TSNARE1: variants seen among roughly 807,000 people sequenced by gnomAD.
TSNARE1 encodes the protein t-SNARE domain-containing protein 1.
A neutral mutation model predicts 62.0 loss-of-function variants in TSNARE1; 49 were observed. The ratio of observed to expected loss-of-function variants is 0.79; its 90% CI spans 0.63 to 1.00. TSNARE1 has a LOEUF of 1.00. TSNARE1 is among the 50% of genes least tolerant of loss of function. TSNARE1 has a pLI of 0.00. For synonymous variants in TSNARE1, 328 were observed against 294.4 expected, an observed-to-expected ratio of 1.11 and a Z score of -1.17; for missense variants, 755 against 700.1, an observed-to-expected ratio of 1.08 and a Z score of -0.88.
chr8:142,299,624 TG>T (rs1437571040), intron 10 of TSNARE1, among the ~76,000 whole-genome samples: 2 of 152,192 alleles, frequency 1.3e-5, no homozygotes, highest in African/African-American at 4.8e-5. Flanking sequence ...TACACATGCA[TG>T]CACACACACG....
rs570237160 is a variant in TSNARE1, at chr8:142,253,435, A to T, written c.1446+21346T>A. ...CAGTCACCCCCGAGTCACCACCCCCAGTGGCCATTCTGGGCAGGGACCCAT... is the reference window on the plus strand; with the variant it reads ...CAGTCACCCCCGAGTCACCACCCCCTGTGGCCATTCTGGGCAGGGACCCAT... On this transcript the variant is annotated intron_variant, in intron 12 of 13. Coordinates refer to ENST00000524325, the MANE Select transcript of TSNARE1 (RefSeq NM_145003.5). Among the ~76,000 whole-genome samples, 547 of 152,166 alleles carry T rather than the reference A, an allele frequency of 3.6e-3. 3 individuals carry two copies. The highest frequency in any genetic ancestry group is 4.8e-3 in the Non-Finnish European group (327 of 67,978).
chr8:142,256,207 GTCACCA>G (rs1818531470), intron 12 of TSNARE1, among the ~76,000 whole-genome samples: 6 of 13,624 alleles, frequency 4.4e-4, no homozygotes, highest in Admixed American at 7.5e-4. Flanking sequence ...CACCACCACT[GTCACCA>G]TCACCATCAC....
rs1356874022 is a variant in TSNARE1, at chr8:142,341,531, C to A, written c.745+2435G>T. Among the ~76,000 whole-genome samples, 5 of 152,200 alleles carry A rather than the reference C, an allele frequency of 3.3e-5. No individual in the cohort carries two copies. In the South Asian group the frequency reaches 1.0e-3, roughly 31 times the overall value. On this transcript the variant is annotated intron_variant, in intron 4 of 13. Transcript: ENST00000524325. ...CCAGCCTCCAACCCGAAGCAGAGTG[C>A]GCACCTGGGGCGCATCCAGACACAC...
At chr8:142,315,366 C>T (rs1828369396) in intron 7 of TSNARE1, among the ~76,000 whole-genome samples, 2 of 152,256 alleles carry the variant, frequency 1.3e-5, no homozygotes, top group Admixed American at 6.5e-5. Context: ...ACACCACCTC[C>T]GCGAGCAGCA....
In TSNARE1 at chr8:142,326,442, C is replaced by T. The variant is rs113022393; in HGVS notation, c.893+4459G>A. On this transcript the variant is annotated intron_variant, in intron 6 of 13. Coordinates refer to ENST00000524325, the MANE Select transcript of TSNARE1 (RefSeq NM_145003.5). ...GCCCCGGAGACCATGAGACGGATGA[C>T]GAACCAGCACCAGCGAAGGGGAGGG... 3.0e-5 allele frequency among the ~76,000 whole-genome samples: 2 copies of T among 65,742 alleles called. 1 individual carries two copies. Among genetic ancestry groups the T allele is most frequent in the Non-Finnish European group, 5.4e-5 (2 of 36,850 alleles). 43.1% of individuals were successfully genotyped at this position (65,742 alleles called of 152,430 possible).
intron 9 of TSNARE1, among the ~76,000 whole-genome samples, chr8:142,303,559 T>C (rs966382778): frequency 6.6e-6 from 1 of 152,188 alleles, no homozygotes; most frequent in African/African-American, 2.4e-5. Flanking sequence ...GGGGGGCCCA[T>C]GGTACCCACC....
intron 12 of TSNARE1, among the ~76,000 whole-genome samples, chr8:142,232,212 T>C (rs1013731075): frequency 2.0e-5 from 3 of 152,222 alleles, no homozygotes; most frequent in African/African-American, 7.2e-5. Context: ...TGGGAAGAAC[T>C]TGGTAGCCAT....
chr8:142,227,263 C>A (rs939734093), intron 13 of TSNARE1, among the ~76,000 whole-genome samples: 1 of 150,348 alleles, frequency 6.7e-6, no homozygotes, highest in African/African-American at 2.5e-5. Flanking sequence ...CAGTGACAGC[C>A]AGGACCTCCA....
chr8:142,260,812 C>T (rs1268715214), intron 12 of TSNARE1, among the ~76,000 whole-genome samples: 1 of 151,104 alleles, frequency 6.6e-6, no homozygotes, highest in African/African-American at 2.4e-5. Context: ...AGCCCTGCCC[C>T]AGAGCTAATG....
In TSNARE1 at chr8:142,330,981, G is replaced by A. The variant is rs759805231; in HGVS notation, c.824-11C>T. ...GCTCCAAGGAGGTCACTGCCCGAGA[G>A]AAGAGGGACAGGGTGAGGGCAGAAG... On this transcript the variant is annotated splice_polypyrimidine_tract_variant and intron_variant, in intron 5 of 13. Transcript: ENST00000524325. The A allele has an allele frequency of 4.3e-6, 7 of 1,613,576 alleles. No individual in the cohort carries two copies. The highest frequency in any genetic ancestry group is 2.7e-5 in the African/African-American group (2 of 74,944).
chr8:142,375,551 C>A (rs1836266100), intron 1 of TSNARE1, among the ~76,000 whole-genome samples: 1 of 152,224 alleles, frequency 6.6e-6, no homozygotes, highest in Non-Finnish European at 1.5e-5. Context: ...GCAGCAGCTT[C>A]CTGAATGCTC....
rs1001355083 is a variant in TSNARE1 at position 142,319,905 on chromosome 8, G to C, written c.894-1271C>G. On this transcript the variant is annotated intron_variant, in intron 6 of 13. Coordinates refer to ENST00000524325, the MANE Select transcript of TSNARE1 (RefSeq NM_145003.5). The surrounding 1 kb of genome is among the most constrained non-coding windows in gnomAD (Gnocchi z 4.9). ...CGCGGGGACAGGAGCTTTCTTCCCCGGGGCCTTGGTCAGGGCCGCCTCCTC... is the reference window on the plus strand; with the variant it reads ...CGCGGGGACAGGAGCTTTCTTCCCCCGGGCCTTGGTCAGGGCCGCCTCCTC... 2.6e-5 allele frequency among the ~76,000 whole-genome samples: 4 copies of C among 152,174 alleles called. No homozygotes were observed. The highest frequency in any genetic ancestry group is 7.2e-5 in the African/African-American group (3 of 41,444).
chr8:142,291,971 G>GC lies in TSNARE1; in HGVS notation c.1291-7487dup, dbSNP rs1823851223. 2.0e-5 allele frequency among the ~76,000 whole-genome samples: 3 copies of GC among 151,456 alleles called. No homozygotes were observed. The highest frequency in any genetic ancestry group is 1.3e-4 in the Admixed American group (2 of 15,230). On this transcript the variant is annotated intron_variant, in intron 10 of 13. Transcript: ENST00000524325. The surrounding 1 kb of genome is among the most constrained non-coding windows in gnomAD (Gnocchi z 4.8). ...GTCACAGCAACGCACGCCCCCCCCG[G>GC]CCCCCCACCTGTTTCAAGCAGAATG...
intron 12 of TSNARE1, among the ~76,000 whole-genome samples, chr8:142,250,709 G>T (rs1818119806): frequency 6.6e-6 from 1 of 152,206 alleles, no homozygotes; most frequent in Non-Finnish European, 1.5e-5. Flanking sequence ...ACGTGGGGAA[G>T]GCAACACCGA....
Position 142,280,751 on chromosome 8 carries a change from G to A in TSNARE1, c.1363+3662C>T, listed in dbSNP as rs545630892. On this transcript the variant is annotated intron_variant, in intron 11 of 13. Transcript: ENST00000524325. The stretch of plus-strand genomic sequence containing the variant: ...TCCCAGCCCGCGACAGGTGGCCAGG[G>A]GCAGAAATGGCTACAGCCACCTCTG... Among the ~76,000 whole-genome samples the A allele has an allele frequency of 5.3e-5, 8 of 152,304 alleles. No homozygotes were observed. The South Asian group carries it at 1.5e-3, about 28-fold the overall frequency.
At position 142,344,106 on chromosome 8, in the gene TSNARE1, A is replaced by C. The variant is rs769551363; in HGVS notation, c.605T>G (p.Leu202Arg). The C allele has an allele frequency of 6.8e-6, 11 of 1,610,914 alleles. No homozygotes were observed. The highest frequency in any genetic ancestry group is 1.1e-5 in the South Asian group (1 of 90,876). ...RAVVRRKLGD[L>R]RKAAHGPSPG... ...GCTGGGGCCATGGGCCGCCTTCCGG[A>C]GGTCGCCCAGCTTGCGCCGCACGAC... The change falls in exon 4 of 14, where the codon CTC becomes CGC. Residue 202 changes from leucine to arginine, a missense_variant. By Grantham distance (102) the Leu-to-Arg change is moderately radical (BLOSUM62 -2). Coordinates refer to ENST00000524325, the MANE Select transcript of TSNARE1 (RefSeq NM_145003.5).
intron 10 of TSNARE1, among the ~76,000 whole-genome samples, chr8:142,299,652 C>T (rs1185748596): frequency 6.6e-6 from 1 of 152,152 alleles, no homozygotes; most frequent in African/African-American, 2.4e-5. Flanking sequence ...CGCACGCACG[C>T]ATACTTGCAT....
At chr8:142,365,206 C>T (rs1835443775) in intron 1 of TSNARE1, among the ~76,000 whole-genome samples, 2 of 152,134 alleles carry the variant, frequency 1.3e-5, no homozygotes, top group African/African-American at 4.8e-5. Flanking sequence ...ATCTCCCTGC[C>T]CAAAGTGTGT....
chr8:142,357,680 T>C (rs907269267), intron 1 of TSNARE1, among the ~76,000 whole-genome samples: 2 of 152,214 alleles, frequency 1.3e-5, no homozygotes, highest in South Asian at 2.1e-4. Context: ...GGGAGCCGTG[T>C]GCAGGGATGA....
Sources: allele counts gnomAD v4.1 joint callset (sites outside exome capture counted in the v4.1 genomes callset), GRCh38; gene constraint gnomAD v4.1.1; non-coding constraint Gnocchi (gnomAD v3.1); transcripts MANE v1.5; gene names NCBI Gene and HGNC (gene_info 2026-07-23, HGNC 2026-07-21).